Variants in GPATCH1 observed in about 807,000 individuals in gnomAD.
The protein encoded by GPATCH1 is G-patch domain containing 1, also known as G patch domain-containing protein 1.
In GPATCH1, 73 loss-of-function variants were observed where a neutral mutation model predicts 114.9. The observed-to-expected ratio is 0.64, with a 90% CI of 0.53 to 0.77. The LOEUF (loss-of-function observed/expected upper bound fraction) is 0.77. Ranked by LOEUF, GPATCH1 falls within the 30% of genes least tolerant of loss-of-function variation. The pLI is 0.00. For missense variants in GPATCH1, 1,058 were observed against 1,144.3 expected (o/e 0.92, Z 1.09); for synonymous variants, 391 against 428.4 (o/e 0.91, Z 1.08).
intron 17 of GPATCH1, among the ~76,000 whole-genome samples, chr19:33,124,426 G>C (rs751409575): frequency 5.4e-5 from 8 of 148,484 alleles, no homozygotes; most frequent in African/African-American, 1.5e-4. Flanking sequence ...CCTCCTGCCT[G>C]GGCCTCCCAA....
chr19:33,127,421 C>A (rs1973054277), intron 19 of GPATCH1, among the ~76,000 whole-genome samples: 1 of 150,184 alleles, frequency 6.7e-6, no homozygotes, highest in African/African-American at 2.4e-5. Flanking sequence ...GAGGCTGAGG[C>A]AGGAGAATGG....
chr19:33,106,639 A>T, intron 9 of GPATCH1, 56 bp from the exon 10 acceptor site: 2 of 1,421,080 alleles, frequency 1.4e-6, no homozygotes, highest in Non-Finnish European at 2.0e-6. Flanking sequence ...TTTCCTGATT[A>T]AATCAAACAT....
In GPATCH1 at chr19:33,111,385, G is replaced by GA. The variant is rs10709432; in HGVS notation, c.1586-318dup. Among the ~76,000 whole-genome samples the GA allele has an allele frequency of 1.2e-3, 109 of 88,072 alleles. 1 individual carries two copies. Among genetic ancestry groups the GA allele is most frequent in the East Asian group, 1.7e-3 (5 of 2,958 alleles). 57.8% of individuals were successfully genotyped at this position (88,072 alleles called of 152,430 possible). On this transcript the variant is annotated intron_variant, in intron 11 of 19. Transcript: ENST00000170564. ...GGAGACAGAGTGAGACTCCATCTCA[G>GA]AAAAAAAAAAAAAAAAAAAAAGAGA... is the stretch of plus-strand genomic sequence containing the variant.
In GPATCH1 at chr19:33,117,833, C is replaced by T. The variant is rs889510531; in HGVS notation, c.2205C>T (p.Asn735=). ...TTTCACTGTCAATACAGACCGTCAA[C>T]AAAGATGTGGACGCACAGGCTGAAG... The part of the protein sequence containing the change: ...APELSANQTV[N]KDVDAQAEGE... The change falls in exon 16 of 20, where the codon AAC becomes AAT. Residue 735 remains asparagine (N), a synonymous_variant. Transcript: ENST00000170564. 1.2e-6 allele frequency: 2 copies of T among 1,612,390 alleles called. No homozygotes were observed. Among genetic ancestry groups the T allele is most frequent in the African/African-American group, 2.7e-5 (2 of 74,878 alleles).
intron 15 of GPATCH1, among the ~76,000 whole-genome samples, chr19:33,117,493 A>G (rs1972928816): frequency 6.6e-6 from 1 of 152,008 alleles, no homozygotes. Flanking sequence ...ACAGGGTTTC[A>G]CCATTTTGGC....
chr19:33,106,860 T>C lies in GPATCH1; in HGVS notation c.1246T>C (p.Ser416Pro). The change falls in exon 10 of 20, where the codon TCC becomes CCC. Residue 416 changes from serine (S) to proline (P), a missense_variant. By Grantham distance (74) the Ser-to-Pro change is moderately conservative. Around this residue, in one of 3 missense-constraint regions of GPATCH1, gnomAD observed 893 missense variants for 977.4 expected, o/e 0.91. Coordinates refer to ENST00000170564, the MANE Select transcript of GPATCH1 (RefSeq NM_018025.3). ...ACACAGTAAGCACCAACTGAATGCC[T>C]CCAAACGGGCTGAGTTGCTTGGAGA... ...GTHSKHQLNA[S>P]KRAELLGETP... 6.2e-7 allele frequency: 1 copy of C among 1,613,924 alleles called. No individual in the cohort carries two copies. The highest frequency in any genetic ancestry group is 1.3e-5 in the African/African-American group (1 of 74,956).
intron 12 of GPATCH1, among the ~76,000 whole-genome samples, chr19:33,112,274 T>C (rs1230714868): frequency 1.3e-5 from 2 of 152,112 alleles, no homozygotes; most frequent in Non-Finnish European, 2.9e-5. Flanking sequence ...CCGAGCCAAA[T>C]ATTTTTAATC....
chr19:33,084,731 G>A, intron 1 of GPATCH1, among the ~76,000 whole-genome samples: 1 of 144,292 alleles, frequency 6.9e-6, no homozygotes, highest in East Asian at 2.0e-4. Flanking sequence ...CACGATCTTT[G>A]CTCACTGCAA....
At chr19:33,113,996 A>T in intron 14 of GPATCH1, 93 bp downstream of exon 14, 1 of 1,120,896 alleles carries the variant, frequency 8.9e-7, no homozygotes, top group South Asian at 1.4e-5. Context: ...AGTCCTAACA[A>T]TGTGAATGGT....
chr19:33,093,581 C>T, intron 4 of GPATCH1, 62 bp downstream of exon 4: 1 of 1,431,340 alleles, frequency 7.0e-7, no homozygotes, highest in Non-Finnish European at 9.7e-7. Flanking sequence ...GTGTGATTCT[C>T]TTGCTGAGGG....
At chr19:33,090,989 C>G (rs1282148226) in intron 3 of GPATCH1, 124 bp downstream of exon 3, 22 of 657,968 alleles carry the variant, frequency 3.3e-5, no homozygotes, top group Non-Finnish European at 5.8e-5. Flanking sequence ...AAGGCTTTAT[C>G]TTTTAGGTAT....
At chr19:33,084,111 G>A (rs1028602408) in intron 1 of GPATCH1, among the ~76,000 whole-genome samples, 2 of 152,142 alleles carry the variant, frequency 1.3e-5, no homozygotes, top group Non-Finnish European at 2.9e-5. Flanking sequence ...TGCCCAGCCA[G>A]TTTTCTAAGC....
intron 17 of GPATCH1, among the ~76,000 whole-genome samples, 190 bp downstream of exon 17, chr19:33,119,307 CT>C (rs1376767444): frequency 1.3e-5 from 2 of 152,168 alleles, no homozygotes; most frequent in Non-Finnish European, 2.9e-5. Flanking sequence ...CTTCAGAGAC[CT>C]CCAAACTTTA....
intron 16 of GPATCH1, among the ~76,000 whole-genome samples, chr19:33,118,702 T>C (rs1429714474): frequency 1.3e-5 from 2 of 152,330 alleles, no homozygotes; most frequent in East Asian, 3.9e-4. Flanking sequence ...TGGCCCTTTC[T>C]TGGGGACACA....
At chr19:33,120,658 C>T (rs1161729512) in intron 17 of GPATCH1, among the ~76,000 whole-genome samples, 1 of 151,208 alleles carries the variant, frequency 6.6e-6, no homozygotes, top group African/African-American at 2.4e-5. Flanking sequence ...TAGTCCGAGA[C>T]AAGCCCAGCC....
At chr19:33,101,656 C>A in intron 9 of GPATCH1, 82 bp downstream of exon 9, 1 of 703,486 alleles carries the variant, frequency 1.4e-6, no homozygotes, top group Non-Finnish European at 2.5e-6. Flanking sequence ...GTTCTATTAA[C>A]AACAGGAAAG....
In GPATCH1 at chr19:33,093,339, C is replaced by T. The variant is rs752653130; in HGVS notation, c.295-20C>T. The T allele has an allele frequency of 3.7e-5, 58 of 1,554,524 alleles. No homozygotes were observed. The highest frequency in any genetic ancestry group is 4.4e-6 in the Non-Finnish European group (5 of 1,128,052). Reference sequence around the variant, plus strand: ...TAGTCACTTTCCAAATAATGTAATTCTGTTTGAATTTTTTTGAAGGATCTT... The same window carrying T: ...TAGTCACTTTCCAAATAATGTAATTTTGTTTGAATTTTTTTGAAGGATCTT... On this transcript the variant is annotated intron_variant, in intron 3 of 19. Coordinates refer to ENST00000170564, the MANE Select transcript of GPATCH1 (RefSeq NM_018025.3).
At chr19:33,089,362 T>A (rs1972569683) in intron 2 of GPATCH1, among the ~76,000 whole-genome samples, 1 of 152,198 alleles carries the variant, frequency 6.6e-6, no homozygotes. Flanking sequence ...TCCTCAGTGC[T>A]CTCTACCTGG....
intron 9 of GPATCH1, among the ~76,000 whole-genome samples, chr19:33,104,263 C>CT: frequency 6.7e-6 from 1 of 149,484 alleles, no homozygotes. Context: ...TTGCTTGAGC[C>CT]TGGGAGGTCC....
Sources: gnomAD v4.1 joint callset for allele counts (sites outside exome capture counted in the v4.1 genomes callset) on GRCh38, gnomAD v4.1.1 for gene constraint, gnomAD v4.1.1 regional missense constraint, MANE v1.5 for transcripts, NCBI Gene and HGNC (gene_info 2026-07-23, HGNC 2026-07-21) for gene names.